INTS12: variants seen among roughly 807,000 people sequenced by gnomAD.
The protein encoded by INTS12 is integrator complex subunit 12, also known as PHD finger protein 22.
A neutral mutation model predicts 41.6 loss-of-function variants in INTS12; 13 were observed. The ratio of observed to expected loss-of-function variants is 0.31; its 90% CI spans 0.20 to 0.50. The LOEUF (loss-of-function observed/expected upper bound fraction) is 0.50, where lower values mean the gene tolerates loss of function less well. INTS12 is among the 20% of genes least tolerant of loss of function. The pLI is 0.98. For missense variants in INTS12, 432 were observed against 541.6 expected, an observed-to-expected ratio of 0.80 and a Z score of 2.01; for synonymous variants, 199 against 191.4, an observed-to-expected ratio of 1.04 and a Z score of -0.33.
chr4:105,691,198 A>T (rs1731670584), intron 6 of INTS12, among the ~76,000 whole-genome samples: 1 of 152,202 alleles, frequency 6.6e-6, no homozygotes, highest in Non-Finnish European at 1.5e-5. Flanking sequence ...ATTAACAGAC[A>T]TGAGAACTCT....
chr4:105,686,797 T>G lies in INTS12; in HGVS notation c.699A>C (p.Ala233=), dbSNP rs1370751951. 6.2e-7 allele frequency: 1 copy of G among 1,613,908 alleles called. No homozygotes were observed. The highest frequency in any genetic ancestry group is 8.5e-7 in the Non-Finnish European group (1 of 1,179,886). ...TQKPPQKPAP[A]VVSVTPAVKD... ...TGACAGCTGGAGTTACAGAAACAAC[T>G]GCAGGGGCTGGTTTCTGCGGTGGTT... is the stretch of plus-strand genomic sequence containing the variant. Residue 233 remains alanine (A), a synonymous_variant, in exon 7 of 8, where the codon GCA becomes GCC. Transcript: ENST00000340139.
At chr4:105,695,141 C>A (rs1448188619) in intron 4 of INTS12, among the ~76,000 whole-genome samples, 2 of 151,198 alleles carry the variant, frequency 1.3e-5, no homozygotes, top group African/African-American at 4.9e-5. Flanking sequence ...GTTGCCCAGG[C>A]TGATCTTGAA....
rs1230641256 is a variant in INTS12, at chr4:105,682,752, T to C, written c.1370A>G (p.Gln457Arg). ...RLQMVKKKAA[Q>R]KKLKK is the part of the protein sequence containing the mutation. ...GCCACATTACTTCTTGAGTTTCTTTTGGGCAGCTTTCTTCTTGACCATCTG... is the reference window on the plus strand; with the variant it reads ...GCCACATTACTTCTTGAGTTTCTTTCGGGCAGCTTTCTTCTTGACCATCTG... The change falls in exon 8 of 8, where the codon CAA (glutamine) becomes CGA (arginine). Residue 457 changes from glutamine (Q) to arginine (R), a missense_variant. By Grantham distance (43) the Gln-to-Arg change is conservative. Transcript: ENST00000340139. 1.2e-6 allele frequency: 2 copies of C among 1,613,672 alleles called. No individual in the cohort carries two copies. Among genetic ancestry groups the C allele is most frequent in the East Asian group, 2.2e-5 (1 of 44,878 alleles).
intron 1 of INTS12, 40 bp downstream of exon 1, chr4:105,708,598 C>A: frequency 2.0e-6 from 2 of 985,302 alleles, no homozygotes; most frequent in Non-Finnish European, 2.4e-6. Context: ...GGTCTCGAGC[C>A]TCCAGGAGGC....
intron 7 of INTS12, among the ~76,000 whole-genome samples, chr4:105,684,703 G>C (rs1434580990): frequency 6.6e-6 from 1 of 151,944 alleles, no homozygotes. Context: ...ATTCCTAGAG[G>C]AATATATACC....
chr4:105,683,184 G>A lies in INTS12; in HGVS notation c.938C>T (p.Thr313Ile). 1.9e-6 allele frequency: 3 copies of A among 1,614,092 alleles called. No homozygotes were observed. The highest frequency in any genetic ancestry group is 2.5e-6 in the Non-Finnish European group (3 of 1,179,976). The change falls in exon 8 of 8, where the codon ACA (threonine) becomes ATA (isoleucine). Residue 313 changes from threonine (T) to isoleucine (I), a missense_variant. Physicochemically the swap from Thr to Ile is moderately conservative, Grantham distance 89. Transcript: ENST00000340139. ...AGPSTAKLSS[T>I]TQNNTGKPAT... ...AGGTTTCCCAGTATTGTTTTGTGTT[G>A]TTGAACTCAATTTTGCTGTTGAAGG...
Position 105,686,854 on chromosome 4 carries a change from G to C in INTS12, c.658-16C>G, listed in dbSNP as rs536885200. On this transcript the variant is annotated splice_polypyrimidine_tract_variant and intron_variant, in intron 6 of 7. Transcript: ENST00000340139. ...TTTTTTGAGCCTGCAAAAATCAGTG[G>C]ATTAAATCAGATACAAAATCTTAAC... The C allele has an allele frequency of 8.1e-6, 13 of 1,608,632 alleles. No individual in the cohort carries two copies. Among genetic ancestry groups the C allele is most frequent in the Non-Finnish European group, 1.1e-5 (13 of 1,176,158 alleles).
chr4:105,703,576 C>A (rs17036133), intron 2 of INTS12, 72 bp downstream of exon 2: 2,049 of 152,292 alleles, frequency 0.013, 59 homozygotes, highest in African/African-American at 0.047. Flanking sequence ...ACTTTATAGA[C>A]ATCCACCCTG....
rs371771059 is a variant in INTS12, at chr4:105,691,983, T to C, written c.650A>G (p.Lys217Arg). The C allele has an allele frequency of 1.5e-4, 229 of 1,534,966 alleles. 4 individuals carry two copies. The highest frequency in any genetic ancestry group is 7.0e-4 in the Middle Eastern group (4 of 5,740). ...WYCARCTRQMKRMAQKTQKPP... is the reference protein window; with the variant it reads ...WYCARCTRQMRRMAQKTQKPP... ...GAAAAATATGATTCCTACCATTCTTTTCATTTGTCTGGTACATCGGGCACA... is the reference window on the plus strand; with the variant it reads ...GAAAAATATGATTCCTACCATTCTTCTCATTTGTCTGGTACATCGGGCACA... Residue 217 changes from lysine to arginine, a missense_variant, in exon 6 of 8, where the codon AAA (lysine) becomes AGA (arginine). By Grantham distance (26) the Lys-to-Arg change is conservative (BLOSUM62 2). Around this residue, in one of 3 missense-constraint regions of INTS12, gnomAD observed 258 missense variants for 309.9 expected, o/e 0.83. Coordinates refer to ENST00000340139, the MANE Select transcript of INTS12 (RefSeq NM_020395.4).
chr4:105,692,717 T>G (rs146521085), intron 5 of INTS12, among the ~76,000 whole-genome samples: 3 of 152,282 alleles, frequency 2.0e-5, no homozygotes, highest in African/African-American at 7.2e-5. Flanking sequence ...TGCCTTTCTC[T>G]CAGAAGGTAG....
chr4:105,683,323 A>T lies in INTS12; in HGVS notation c.805-6T>A, dbSNP rs1463622404. ...CCTGAAATAACTGTGGATGTCTAAA[A>T]AAATAAAGTAAATAATTACATTAGA... On this transcript the variant is annotated splice_region_variant and splice_polypyrimidine_tract_variant and intron_variant, in intron 7 of 7. Coordinates refer to ENST00000340139, the MANE Select transcript of INTS12 (RefSeq NM_020395.4). 2 of 1,582,460 alleles carry T rather than the reference A, an allele frequency of 1.3e-6. No individual in the cohort carries two copies. The highest frequency in any genetic ancestry group is 3.6e-5 in the Admixed American group (2 of 55,852).
intron 1 of INTS12, among the ~76,000 whole-genome samples, chr4:105,707,644 T>C (rs192594769): frequency 3.3e-4 from 51 of 152,326 alleles, no homozygotes; most frequent in Non-Finnish European, 5.9e-4. Flanking sequence ...ACAATGTTCC[T>C]ATCTGTAAAA....
chr4:105,702,904 G>A (rs1732132754), intron 2 of INTS12: 1 of 984,136 alleles, frequency 1.0e-6, no homozygotes, highest in Non-Finnish European at 1.2e-6. Context: ...CCCCTTTTCT[G>A]TTGCCTTCTC....
Position 105,682,691 on chromosome 4 carries a change from T to C in INTS12, c.*42A>G, listed in dbSNP as rs1304354921. 7.0e-7 allele frequency: 1 copy of C among 1,421,044 alleles called. No individual in the cohort carries two copies. Among genetic ancestry groups the C allele is most frequent in the Non-Finnish European group, 9.9e-7 (1 of 1,015,016 alleles). The allele number at this position is 1,421,044 out of a possible 1,614,324, so 88.0% of individuals were successfully genotyped here. A position where few individuals can be genotyped will look rare whatever the true frequency, so the allele number is the denominator to read the frequency against. ...AGATTATATCATAATAATAAGCCTT[T>C]CATCTTTAGGCTAATATGATACAAA... is the stretch of plus-strand genomic sequence containing the variant. On this transcript the variant is annotated 3_prime_UTR_variant, in exon 8 of 8. Coordinates refer to ENST00000340139, the MANE Select transcript of INTS12 (RefSeq NM_020395.4).
chr4:105,699,698 T>G (rs1731991651), intron 3 of INTS12, 152 bp downstream of exon 3: 1 of 620,744 alleles, frequency 1.6e-6, no homozygotes, highest in Non-Finnish European at 2.5e-6. Context: ...TCTGAAAACT[T>G]GAAGGGAAAA....
intron 6 of INTS12, among the ~76,000 whole-genome samples, chr4:105,691,531 G>A (rs369802109): frequency 1.3e-5 from 2 of 152,306 alleles, no homozygotes; most frequent in African/African-American, 4.8e-5. Context: ...TGGAAAGACA[G>A]ATATGCACAT....
intron 1 of INTS12, chr4:105,705,201 T>A (rs894785107): frequency 1.3e-5 from 2 of 152,196 alleles, no homozygotes; most frequent in Non-Finnish European, 2.9e-5. Context: ...TCCTGTCACA[T>A]CACTGGTGGA....
At chr4:105,703,155 G>A (rs1041327253) in intron 2 of INTS12, 1 of 272,638 alleles carries the variant, frequency 3.7e-6, no homozygotes, top group Non-Finnish European at 5.6e-6. Context: ...TCTTACTATG[G>A]ATTAGAGTTC....
At position 105,699,926 on chromosome 4, in the gene INTS12, G is replaced by C. The variant is rs1438756341; in HGVS notation, c.80C>G (p.Ser27Cys). The C allele has an allele frequency of 6.4e-7, 1 of 1,561,726 alleles. No homozygotes were observed. Among genetic ancestry groups the C allele is most frequent in the Non-Finnish European group, 8.8e-7 (1 of 1,142,518 alleles). The change falls in exon 3 of 8, where the codon TCT becomes TGT. Residue 27 changes from serine (S) to cysteine (C), a missense_variant. This residue lies in a region of INTS12 where 168 missense variants were observed against 198.9 expected (regional missense o/e 0.84). Transcript: ENST00000340139. ...LGFLHSKSKD[S>C]AEKLKALLDE... ...AAGCAGTGCTTTTAGCTTTTCAGCA[G>C]AATCTTTACTCTTTGAATGCAAGAA...
Sources: gnomAD v4.1 joint callset for allele counts (sites outside exome capture counted in the v4.1 genomes callset) on GRCh38, gnomAD v4.1.1 for gene constraint, gnomAD v4.1.1 regional missense constraint, MANE v1.5 for transcripts, NCBI Gene and HGNC (gene_info 2026-07-23, HGNC 2026-07-21) for gene names.